Variants in CACNA2D1 observed in about 807,000 individuals in gnomAD.
The protein encoded by CACNA2D1 is voltage-dependent calcium channel subunit alpha-2/delta-1.
A neutral mutation model predicts 171.5 loss-of-function variants in CACNA2D1; 53 were observed. That is an observed-to-expected ratio of 0.31 (90% CI 0.25 to 0.39). The LOEUF (loss-of-function observed/expected upper bound fraction) is 0.39, where lower values mean the gene tolerates loss of function less well. Among genes scored for constraint, CACNA2D1 ranks in the 10% least tolerant of loss-of-function variants. The probability of loss-of-function intolerance (pLI) is 1.00; values close to 1 mark genes in which losing one functional copy is unlikely to be tolerated. For synonymous variants in CACNA2D1, 442 were observed against 443.1 expected (o/e 1.00, Z 0.03); for missense variants, 903 against 1,299.8 (o/e 0.69, Z 4.69).
chr7:82,335,217 TC>T lies in CACNA2D1; in HGVS notation c.211del (p.Glu71AsnfsTer9). The T allele has an allele frequency of 1.2e-6, 2 of 1,611,844 alleles. No homozygotes were observed. Among genetic ancestry groups the T allele is most frequent in the Non-Finnish European group, 1.7e-6 (2 of 1,178,172 alleles). The stretch of plus-strand genomic sequence containing the variant: ...TACCAGCTGGCGTGCATTATTTGGT[TC>T]CACAGTATACAAATCTTGATATTTC... ...YEKYQDLYTVEPNNARQLVEI... is the reference protein window; with the variant it reads ...YEKYQDLYTVXPNNARQLVEI... On this transcript the variant is annotated frameshift_variant, in exon 3 of 39. Transcript: ENST00000356860. LOFTEE classifies it high-confidence loss of function.
intron 3 of CACNA2D1, among the ~76,000 whole-genome samples, chr7:82,324,818 C>T (rs76886026): frequency 9.2e-4 from 140 of 152,148 alleles, no homozygotes; most frequent in African/African-American, 3.1e-3. Flanking sequence ...GAAAATAGAG[C>T]GTTTTTATAT....
intron 18 of CACNA2D1, among the ~76,000 whole-genome samples, chr7:82,004,036 C>T (rs1046418957): frequency 3.3e-5 from 5 of 152,132 alleles, no homozygotes; most frequent in African/African-American, 4.8e-5. Context: ...TGAGCCGCCA[C>T]GCCCAGCCCA....
intron 3 of CACNA2D1, among the ~76,000 whole-genome samples, chr7:82,226,536 C>T (rs993855521): frequency 2.0e-5 from 3 of 152,172 alleles, no homozygotes; most frequent in East Asian, 1.9e-4. Context: ...AACATACTGA[C>T]TCTTCAGAGG....
At chr7:82,416,258 A>T (rs1828156336) in intron 1 of CACNA2D1, among the ~76,000 whole-genome samples, 1 of 152,016 alleles carries the variant, frequency 6.6e-6, no homozygotes, top group Non-Finnish European at 1.5e-5. Context: ...TAAAAATCTC[A>T]TTTAAAATGT....
At chr7:81,966,216 C>T (rs1794697379) in intron 31 of CACNA2D1, among the ~76,000 whole-genome samples, 1 of 151,426 alleles carries the variant, frequency 6.6e-6, no homozygotes, top group Non-Finnish European at 1.5e-5. Flanking sequence ...ACTTACTTCA[C>T]CCTGAAACAC....
chr7:82,078,162 T>G (rs1459526246), intron 7 of CACNA2D1, among the ~76,000 whole-genome samples: 2 of 152,184 alleles, frequency 1.3e-5, no homozygotes, highest in Non-Finnish European at 2.9e-5. Context: ...TATTGTAATC[T>G]CATAGTTTTG....
intron 7 of CACNA2D1, among the ~76,000 whole-genome samples, chr7:82,075,494 T>G (rs1313550799): frequency 6.6e-6 from 1 of 152,212 alleles, no homozygotes; most frequent in Non-Finnish European, 1.5e-5. Flanking sequence ...GAGGATTTAC[T>G]GGGAAATGAT....
At chr7:82,349,734 T>A (rs1053408411) in intron 1 of CACNA2D1, 85 bp from the exon 2 acceptor site, 1 of 1,052,354 alleles carries the variant, frequency 9.5e-7, no homozygotes, top group Admixed American at 1.7e-5. Flanking sequence ...ACGCTACAGA[T>A]AATTCATTAA....
At chr7:82,390,216 TC>T (rs1824941399) in intron 1 of CACNA2D1, among the ~76,000 whole-genome samples, 1 of 152,162 alleles carries the variant, frequency 6.6e-6, no homozygotes, top group Non-Finnish European at 1.5e-5. Flanking sequence ...GTCTTAACCT[TC>T]CTCTAACAGA....
At chr7:82,429,757 G>A (rs899306323) in intron 1 of CACNA2D1, among the ~76,000 whole-genome samples, 3 of 152,084 alleles carry the variant, frequency 2.0e-5, no homozygotes, top group African/African-American at 7.2e-5. Context: ...CTCACCAATA[G>A]ACCTTGACAC....
chr7:82,023,227 G>C (rs889476159), intron 12 of CACNA2D1, among the ~76,000 whole-genome samples: 2 of 151,958 alleles, frequency 1.3e-5, no homozygotes, highest in Non-Finnish European at 2.9e-5. Flanking sequence ...CAATGCTGCA[G>C]GTAAAGATTA....
At chr7:82,259,894 G>A (rs756509448) in intron 3 of CACNA2D1, among the ~76,000 whole-genome samples, 2 of 152,124 alleles carry the variant, frequency 1.3e-5, no homozygotes, top group Non-Finnish European at 2.9e-5. Flanking sequence ...ATTATAGTAG[G>A]TATGTTGTAG....
At chr7:82,137,892 T>C (rs1791860168) in intron 4 of CACNA2D1, among the ~76,000 whole-genome samples, 2 of 151,758 alleles carry the variant, frequency 1.3e-5, no homozygotes, top group Admixed American at 6.6e-5. Context: ...AAACATATAA[T>C]ACACAATTTT....
intron 4 of CACNA2D1, among the ~76,000 whole-genome samples, chr7:82,142,783 T>C (rs1486920826): frequency 2.0e-5 from 3 of 152,186 alleles, no homozygotes; most frequent in Non-Finnish European, 4.4e-5. Context: ...AAATACCAAG[T>C]CAATTGGTTA....
chr7:82,130,453 T>C (rs1021480633), intron 5 of CACNA2D1, among the ~76,000 whole-genome samples: 4 of 152,112 alleles, frequency 2.6e-5, no homozygotes, highest in Non-Finnish European at 5.9e-5. Flanking sequence ...TAAATTTATA[T>C]AATAATGTAT....
chr7:82,023,153 T>C (rs1801452868), intron 12 of CACNA2D1, among the ~76,000 whole-genome samples: 1 of 151,834 alleles, frequency 6.6e-6, no homozygotes, highest in African/African-American at 2.4e-5. Flanking sequence ...GGGATAGAGT[T>C]CATTTTAGTT....
rs528916337 is a variant in CACNA2D1 at position 82,061,936 on chromosome 7, C to T, written c.780-1409G>A. On this transcript the variant is annotated intron_variant, in intron 9 of 38. Coordinates refer to ENST00000356860, the MANE Select transcript of CACNA2D1 (RefSeq NM_000722.4). Reference sequence around the variant, plus strand: ...AAGCCTGAAAAGATATCTCAAAAGCCCCATCTGAGGTTCTAGAATAGTGAT... The same window carrying T: ...AAGCCTGAAAAGATATCTCAAAAGCTCCATCTGAGGTTCTAGAATAGTGAT... 9.2e-5 allele frequency among the ~76,000 whole-genome samples: 14 copies of T among 152,154 alleles called. No homozygotes were observed. The South Asian group carries it at 1.7e-3, about 18-fold the overall frequency.
At chr7:81,954,189 C>A (rs1792933653) in intron 38 of CACNA2D1, among the ~76,000 whole-genome samples, 1 of 151,936 alleles carries the variant, frequency 6.6e-6, no homozygotes, top group Admixed American at 6.6e-5. Flanking sequence ...CCCACTGACA[C>A]CATGACCAGA....
intron 5 of CACNA2D1, among the ~76,000 whole-genome samples, chr7:82,123,935 C>G (rs1288167581): frequency 1.3e-5 from 2 of 148,704 alleles, no homozygotes; most frequent in Non-Finnish European, 3.0e-5. Flanking sequence ...ATATATCATA[C>G]AATCAGTATA....
Sources: gnomAD v4.1 joint callset for allele counts (sites outside exome capture counted in the v4.1 genomes callset) on GRCh38, gnomAD v4.1.1 for gene constraint, MANE v1.5 for transcripts, NCBI Gene and HGNC (gene_info 2026-07-23, HGNC 2026-07-21) for gene names.